The following RNF217 variants were observed in gnomAD, a reference collection of about 807,000 sequenced individuals.
The protein encoded by RNF217 is ring finger protein 217, also known as E3 ubiquitin-protein ligase RNF217.
A neutral mutation model predicts 57.8 loss-of-function variants in RNF217; 31 were observed. That is an observed-to-expected ratio of 0.54 (90% CI 0.40 to 0.72). The LOEUF (loss-of-function observed/expected upper bound fraction) is 0.72, where lower values mean the gene tolerates loss of function less well. Among genes scored for constraint, RNF217 ranks in the 30% least tolerant of loss-of-function variants. RNF217 has a pLI of 0.00. For missense variants in RNF217, 696 were observed against 708.3 expected (o/e 0.98, Z 0.20); for synonymous variants, 313 against 294.0 (o/e 1.06, Z -0.66).
intron 1 of RNF217, among the ~76,000 whole-genome samples, chr6:125,029,728 A>T (rs1260252212): frequency 1.3e-5 from 2 of 152,228 alleles, no homozygotes; most frequent in African/African-American, 2.4e-5. Context: ...TGCAGTTATT[A>T]TCATAAGAAA....
At chr6:125,027,606 G>A (rs1037745090) in intron 1 of RNF217, among the ~76,000 whole-genome samples, 1 of 152,162 alleles carries the variant, frequency 6.6e-6, no homozygotes, top group African/African-American at 2.4e-5. Context: ...AAACAGAGCT[G>A]CAACAAACAG....
At chr6:125,038,366 T>C (rs1251894696) in intron 1 of RNF217, among the ~76,000 whole-genome samples, 2 of 152,192 alleles carry the variant, frequency 1.3e-5, no homozygotes, top group Admixed American at 6.5e-5. Context: ...TTTGTAGATA[T>C]ATGGTATCAT....
chr6:124,990,988 C>T (rs745698601), intron 1 of RNF217, among the ~76,000 whole-genome samples: 11 of 152,108 alleles, frequency 7.2e-5, no homozygotes, highest in Admixed American at 2.6e-4. Flanking sequence ...GATCACATGA[C>T]CCCAGGATTT....
At chr6:124,975,624 A>C (rs1783927582) in intron 1 of RNF217, among the ~76,000 whole-genome samples, 1 of 152,068 alleles carries the variant, frequency 6.6e-6, no homozygotes, top group African/African-American at 2.4e-5. Context: ...TTTAGTAGAG[A>C]TAGAGTTCTG....
Position 125,009,694 on chromosome 6 carries a change from G to A in RNF217, c.883-35517G>A, listed in dbSNP as rs1275745035. On this transcript the variant is annotated intron_variant, in intron 1 of 5. Transcript: ENST00000521654. ...GTTGTATGATCCCTCTAAAAACGTA[G>A]ACAGATATCAAAGCTTTGCTCTCCT... Among the ~76,000 whole-genome samples, 3 of 151,354 alleles carry A rather than the reference G, an allele frequency of 2.0e-5. No homozygotes were observed. The East Asian group carries it at 5.8e-4, about 29-fold the overall frequency.
intron 1 of RNF217, among the ~76,000 whole-genome samples, chr6:125,034,034 A>T (rs995774475): frequency 6.6e-6 from 1 of 151,392 alleles, no homozygotes; most frequent in Non-Finnish European, 1.5e-5. Flanking sequence ...CCACTTTTTG[A>T]TGGGGTTGTT....
At chr6:124,968,688 C>G (rs575153170) in intron 1 of RNF217, among the ~76,000 whole-genome samples, 56 of 152,282 alleles carry the variant, frequency 3.7e-4, no homozygotes, top group Middle Eastern at 3.4e-3. Context: ...TACTGCTGAC[C>G]TAAGGCATCA....
intron 1 of RNF217, among the ~76,000 whole-genome samples, chr6:124,989,208 G>A (rs1307632699): frequency 6.6e-6 from 1 of 151,938 alleles, no homozygotes; most frequent in African/African-American, 2.4e-5. Context: ...GCAATATTTT[G>A]ATGAGCGCTT....
At chr6:124,970,938 C>T (rs1319242168) in intron 1 of RNF217, among the ~76,000 whole-genome samples, 1 of 152,154 alleles carries the variant, frequency 6.6e-6, no homozygotes, top group Non-Finnish European at 1.5e-5. Context: ...ATCAGATTTC[C>T]CAACAAGGAG....
intron 1 of RNF217, among the ~76,000 whole-genome samples, chr6:124,994,450 G>A (rs1056189024): frequency 1.3e-5 from 2 of 152,068 alleles, no homozygotes; most frequent in African/African-American, 4.8e-5. Context: ...TATATATCTA[G>A]TCAGTGTTCA....
At chr6:125,062,558 G>A (rs1359046583) in intron 3 of RNF217, among the ~76,000 whole-genome samples, 1 of 151,836 alleles carries the variant, frequency 6.6e-6, no homozygotes, top group African/African-American at 2.4e-5. Flanking sequence ...GAATCTTATT[G>A]TTCCTTTTGT....
chr6:125,003,156 G>A (rs914766074), intron 1 of RNF217, among the ~76,000 whole-genome samples: 2 of 152,000 alleles, frequency 1.3e-5, no homozygotes, highest in African/African-American at 4.8e-5. Context: ...AGTTGTAAGG[G>A]AGGCTAAAAA....
intron 2 of RNF217, chr6:125,046,800 C>T: frequency 2.9e-6 from 1 of 349,866 alleles, no homozygotes; most frequent in South Asian, 2.3e-5. Context: ...TTAGTCAAAG[C>T]TTCTTCATGA....
chr6:124,992,580 G>A (rs990026242), intron 1 of RNF217, among the ~76,000 whole-genome samples: 22 of 152,152 alleles, frequency 1.4e-4, no homozygotes, highest in African/African-American at 4.8e-4. Context: ...ATAGTGAGAA[G>A]AGGGGAGGTT....
chr6:125,034,448 A>G (rs528059397), intron 1 of RNF217, among the ~76,000 whole-genome samples: 1 of 152,314 alleles, frequency 6.6e-6, no homozygotes, highest in South Asian at 2.1e-4. Context: ...TTTATTAAAT[A>G]GGGAATCCTT....
At chr6:125,027,380 T>C (rs1047182596) in intron 1 of RNF217, among the ~76,000 whole-genome samples, 4 of 152,132 alleles carry the variant, frequency 2.6e-5, no homozygotes, top group African/African-American at 9.7e-5. Flanking sequence ...GATTTTTAGA[T>C]CCCAGAAATA....
chr6:124,991,573 T>G (rs1039285095), intron 1 of RNF217, among the ~76,000 whole-genome samples: 1 of 152,214 alleles, frequency 6.6e-6, no homozygotes, highest in Non-Finnish European at 1.5e-5. Flanking sequence ...CTGTAGGCCA[T>G]GAGGATAAGA....
At chr6:124,989,815 T>C (rs555802802) in intron 1 of RNF217, among the ~76,000 whole-genome samples, 1 of 151,692 alleles carries the variant, frequency 6.6e-6, no homozygotes, top group African/African-American at 2.4e-5. Context: ...ATTTTTCTCT[T>C]TATTGGATCT....
rs141109595 is a variant in RNF217, at chr6:125,081,449, C to A, written c.1497C>A (p.Phe499Leu). The A allele has an allele frequency of 4.8e-5, 77 of 1,610,978 alleles. No homozygotes were observed. In the African/African-American group the frequency reaches 6.9e-4, roughly 15 times the overall value. The stretch of plus-strand genomic sequence containing the variant: ...TTTGTTTTCCAGCTGGAAAATTATT[C>A]ATTGCACCTCTAATTATGGTTTTGG... The part of the protein sequence containing the change: ...VRGSVCAGKL[F>L]IAPLIMVLGL... The change falls in exon 5 of 6, where the codon TTC (phenylalanine) becomes TTA (leucine). Residue 499 changes from phenylalanine (F) to leucine (L), a missense_variant. By Grantham distance (22) the Phe-to-Leu change is conservative. Transcript: ENST00000521654.
Sources: gnomAD v4.1 joint callset for allele counts (sites outside exome capture counted in the v4.1 genomes callset) on GRCh38, gnomAD v4.1.1 for gene constraint, MANE v1.5 for transcripts, NCBI Gene and HGNC (gene_info 2026-07-23, HGNC 2026-07-21) for gene names.